GALM: variants seen among roughly 807,000 people sequenced by gnomAD.
The protein encoded by GALM is galactose mutarotase.
GALM carries 43 observed loss-of-function variants against 37.4 expected under a neutral mutation model. That is an observed-to-expected ratio of 1.15 (90% CI 0.90 to 1.48). The LOEUF (loss-of-function observed/expected upper bound fraction) is 1.48, where lower values mean the gene tolerates loss of function less well. GALM is among the 40% of genes most tolerant of loss of function. The pLI is 0.00. For synonymous variants in GALM, 199 were observed against 170.6 expected (o/e 1.17, Z -1.30); for missense variants, 456 against 419.1 (o/e 1.09, Z -0.77).
chr2:38,671,435 C>CAGT (rs1477284948), intron 1 of GALM: 1 of 152,136 alleles, frequency 6.6e-6, no homozygotes, highest in Non-Finnish European at 1.5e-5. Context: ...TCTTACACGG[C>CAGT]AGTAGGAGAG....
At chr2:38,690,891 T>C (rs1036972916) in intron 4 of GALM, among the ~76,000 whole-genome samples, 2 of 152,206 alleles carry the variant, frequency 1.3e-5, no homozygotes, top group Admixed American at 6.5e-5. Flanking sequence ...CTAATTGGAA[T>C]AATAATGAAA....
At chr2:38,708,812 CAAATAA>C (rs1666095509) in intron 4 of GALM, among the ~76,000 whole-genome samples, 1 of 151,016 alleles carries the variant, frequency 6.6e-6, no homozygotes, top group Admixed American at 6.6e-5. Context: ...GAAGTGGGGT[CAAATAA>C]CAGTTTTTTT....
chr2:38,683,544 T>C (rs1374970392), intron 3 of GALM, among the ~76,000 whole-genome samples: 1 of 140,902 alleles, frequency 7.1e-6, no homozygotes, highest in Admixed American at 6.7e-5. Flanking sequence ...GCTCAGATTT[T>C]GGAGCATTTC....
chr2:38,681,371 T>A lies in GALM; in HGVS notation c.437T>A (p.Val146Asp). Residue 146 changes from valine (V) to aspartate (D), a missense_variant, in exon 3 of 7, where the codon GTC becomes GAC. Coordinates refer to ENST00000272252, the MANE Select transcript of GALM (RefSeq NM_138801.3). ...GEEGYPGELK[V>D]WVTYTLDGGE... Reference sequence around the variant, plus strand: ...GAAGGCTACCCCGGAGAGTTAAAAGTCTGGGTGACATACACCCTGGATGGC... The same window carrying A: ...GAAGGCTACCCCGGAGAGTTAAAAGACTGGGTGACATACACCCTGGATGGC... The A allele has an allele frequency of 6.2e-7, 1 of 1,614,122 alleles. No homozygotes were observed. The highest frequency in any genetic ancestry group is 8.5e-7 in the Non-Finnish European group (1 of 1,179,986).
chr2:38,669,711 A>G (rs1348257014), intron 1 of GALM, among the ~76,000 whole-genome samples: 1 of 151,874 alleles, frequency 6.6e-6, no homozygotes, highest in Non-Finnish European at 1.5e-5. Context: ...CATCTCTACT[A>G]AAAATACAAA....
At chr2:38,675,786 G>T in intron 1 of GALM, 126 bp from the exon 2 acceptor site, 2 of 827,790 alleles carry the variant, frequency 2.4e-6, no homozygotes, top group Admixed American at 2.0e-5. Flanking sequence ...AGCCAGGATG[G>T]TCTCGATCTC....
chr2:38,694,933 C>T (rs1292394818), intron 4 of GALM, among the ~76,000 whole-genome samples: 5 of 149,178 alleles, frequency 3.4e-5, no homozygotes, highest in Non-Finnish European at 7.4e-5. Context: ...AAGGGAAAGT[C>T]AAGGGAAAGT....
At chr2:38,676,482 G>T (rs1198384280) in intron 2 of GALM, among the ~76,000 whole-genome samples, 1 of 152,214 alleles carries the variant, frequency 6.6e-6, no homozygotes, top group South Asian at 2.1e-4. Context: ...AGGCCACATG[G>T]CCAGGCACAG....
At chr2:38,670,106 C>T (rs1665054266) in intron 1 of GALM, among the ~76,000 whole-genome samples, 1 of 151,860 alleles carries the variant, frequency 6.6e-6, no homozygotes, top group South Asian at 2.1e-4. Context: ...TCAAGTGATC[C>T]ACCTACCTCA....
chr2:38,727,707 A>G (rs991611045), intron 4 of GALM, among the ~76,000 whole-genome samples: 22 of 150,746 alleles, frequency 1.5e-4, no homozygotes, highest in Non-Finnish European at 3.0e-5. Context: ...CCCAGGCAAC[A>G]GAGGGAGACT....
Position 38,731,909 on chromosome 2 carries a change from G to A in GALM, c.951G>A (p.Gln317=). Residue 317 remains glutamine, a splice_region_variant and synonymous_variant, in exon 6 of 7, where the codon CAG becomes CAA. Transcript: ENST00000272252. ...ETQNWPDAVN[Q]PRFPPVLLRP... is the part of the protein sequence containing the mutation. The stretch of plus-strand genomic sequence containing the variant: ...AGAACTGGCCTGATGCAGTCAATCA[G>A]GTAATGCCACAGGCTGGCTTTTCAG... 1 of 1,613,792 alleles carries A rather than the reference G, an allele frequency of 6.2e-7. No homozygotes were observed. The highest frequency in any genetic ancestry group is 8.5e-7 in the Non-Finnish European group (1 of 1,179,742).
intron 3 of GALM, among the ~76,000 whole-genome samples, chr2:38,683,627 C>T (rs543654611): frequency 8.3e-4 from 126 of 151,888 alleles, no homozygotes; most frequent in African/African-American, 3.0e-3. Flanking sequence ...AATGCAGTGG[C>T]ACGATCTCGG....
At chr2:38,705,669 AG>A (rs1366239874) in intron 4 of GALM, among the ~76,000 whole-genome samples, 1 of 152,166 alleles carries the variant, frequency 6.6e-6, no homozygotes, top group Non-Finnish European at 1.5e-5. Flanking sequence ...AGCAAGGGCT[AG>A]GGTGCAAAAT....
At chr2:38,680,775 C>T (rs561187603) in intron 2 of GALM, among the ~76,000 whole-genome samples, 19 of 151,388 alleles carry the variant, frequency 1.3e-4, no homozygotes, top group African/African-American at 4.6e-4. Flanking sequence ...AGACACACAT[C>T]GTACAAAGTT....
intron 4 of GALM, among the ~76,000 whole-genome samples, chr2:38,693,173 A>T (rs915585127): frequency 6.6e-6 from 1 of 152,220 alleles, no homozygotes; most frequent in Non-Finnish European, 1.5e-5. Context: ...CACTTTCCTG[A>T]GACGTGCTAC....
At position 38,675,956 on chromosome 2, in the gene GALM, G is replaced by T; in HGVS notation, c.235G>T (p.Val79Leu). 1 of 1,614,066 alleles carries T rather than the reference G, an allele frequency of 6.2e-7. No individual in the cohort carries two copies. Among genetic ancestry groups the T allele is most frequent in the Non-Finnish European group, 8.5e-7 (1 of 1,179,984 alleles). The change falls in exon 2 of 7, where the codon GTG (valine) becomes TTG (leucine). Residue 79 changes from valine to leucine, a missense_variant. Val to Leu is a conservative substitution (Grantham distance 32). Transcript: ENST00000272252. ...QPYFGAVIGRVANRIAKGTFK... is the reference protein window; with the variant it reads ...QPYFGAVIGRLANRIAKGTFK... ...ATACTTTGGAGCAGTTATTGGGAGG[G>T]TGGCCAACCGAATCGCCAAAGGAAC... is the stretch of plus-strand genomic sequence containing the variant.
intron 4 of GALM, among the ~76,000 whole-genome samples, chr2:38,691,727 T>G (rs905323289): frequency 6.6e-6 from 1 of 151,128 alleles, no homozygotes; most frequent in African/African-American, 2.4e-5. Context: ...TTCAGTAGTT[T>G]TTTTTTTTTT....
intron 4 of GALM, among the ~76,000 whole-genome samples, chr2:38,695,853 C>T (rs1399503371): frequency 6.6e-6 from 1 of 151,924 alleles, no homozygotes; most frequent in East Asian, 1.9e-4. Context: ...CGCATGCCAC[C>T]ATACCCGGAT....
intron 3 of GALM, among the ~76,000 whole-genome samples, chr2:38,686,248 C>G (rs1429754109): frequency 1.6e-5 from 2 of 121,702 alleles, no homozygotes; most frequent in Admixed American, 8.1e-5. Flanking sequence ...TTCTTTCTTT[C>G]TTTCTTTCTT....
Sources: gnomAD v4.1 joint callset for allele counts (sites outside exome capture counted in the v4.1 genomes callset) on GRCh38, gnomAD v4.1.1 for gene constraint, MANE v1.5 for transcripts, NCBI Gene and HGNC (gene_info 2026-07-23, HGNC 2026-07-21) for gene names.